UGDH: variants seen among roughly 807,000 people sequenced by gnomAD.
UGDH encodes UDP-Glc dehydrogenase.
In UGDH, 38 loss-of-function variants were observed where a neutral mutation model predicts 50.6. The observed-to-expected ratio is 0.75, with a 90% CI of 0.58 to 0.98. The LOEUF (loss-of-function observed/expected upper bound fraction) is 0.98. Ranked by LOEUF, UGDH falls within the 50% of genes least tolerant of loss-of-function variation. UGDH has a pLI of 0.00. For missense variants in UGDH, 465 were observed against 606.2 expected (o/e 0.77, Z 2.45); for synonymous variants, 168 against 199.9 (o/e 0.84, Z 1.35).
intron 3 of UGDH, 43 bp from the exon 4 acceptor site, chr4:39,510,904 T>C (rs776043983): frequency 1.9e-6 from 3 of 1,604,558 alleles, no homozygotes; most frequent in Non-Finnish European, 2.6e-6. Context: ...GCCTGTGAGA[T>C]AGGGATTTCA....
chr4:39,519,690 C>A (rs986285055), intron 2 of UGDH, among the ~76,000 whole-genome samples: 3 of 151,918 alleles, frequency 2.0e-5, no homozygotes, highest in African/African-American at 7.3e-5. Flanking sequence ...AGGTGCGCAC[C>A]ACTGCACCCG....
chr4:39,504,398 ATCTTT>A lies in UGDH; in HGVS notation c.1263+14_1263+18del. 1 of 1,610,218 alleles carries A rather than the reference ATCTTT, an allele frequency of 6.2e-7. No individual in the cohort carries two copies. On this transcript the variant is annotated intron_variant, in intron 10 of 11. Transcript: ENST00000316423. Reference sequence around the variant, plus strand: ...GAACACCTCTAGAATTTTCCTTAGTATCTTTTCTGTTACCTTACCTTAAACATGTC... The same window carrying A: ...GAACACCTCTAGAATTTTCCTTAGTATCTGTTACCTTACCTTAAACATGTC...
intron 11 of UGDH, among the ~76,000 whole-genome samples, chr4:39,502,956 A>T (rs1040607220): frequency 3.3e-5 from 5 of 151,936 alleles, no homozygotes; most frequent in Admixed American, 6.6e-5. Flanking sequence ...TTGCTCTGTC[A>T]CCCAGGCTGG....
intron 2 of UGDH, among the ~76,000 whole-genome samples, chr4:39,519,240 A>G (rs1386723878): frequency 4.1e-5 from 6 of 144,930 alleles, no homozygotes; most frequent in African/African-American, 1.0e-4. Context: ...TTTAATTTGG[A>G]GATGGGAGTC....
chr4:39,517,357 T>C (rs1746477749), intron 2 of UGDH, among the ~76,000 whole-genome samples: 1 of 151,922 alleles, frequency 6.6e-6, no homozygotes, highest in African/African-American at 2.4e-5. Context: ...CGCGAGCCAC[T>C]ACACCCATCT....
intron 3 of UGDH, among the ~76,000 whole-genome samples, chr4:39,512,724 C>G (rs1578272495): frequency 6.6e-6 from 1 of 151,802 alleles, no homozygotes; most frequent in East Asian, 1.9e-4. Flanking sequence ...TCCACTCTAA[C>G]TTTCTGCAAG....
intron 3 of UGDH, among the ~76,000 whole-genome samples, chr4:39,511,577 C>T (rs941648428): frequency 7.9e-5 from 12 of 151,662 alleles, no homozygotes; most frequent in African/African-American, 2.9e-4. Context: ...TTCTTATTCC[C>T]CTATTTTTAC....
intron 1 of UGDH, among the ~76,000 whole-genome samples, chr4:39,526,785 G>C (rs891880083): frequency 1.3e-5 from 2 of 152,132 alleles, no homozygotes; most frequent in African/African-American, 4.8e-5. Flanking sequence ...CAGATATCAC[G>C]GCAGTCTTAG....
rs191830661 is a variant in UGDH, at chr4:39,508,508, A to G, written c.906+58T>C. The G allele has an allele frequency of 1.3e-4, 201 of 1,520,962 alleles. 1 individual carries two copies. The East Asian group carries it at 4.1e-3, about 31-fold the overall frequency. 94.2% of individuals were successfully genotyped at this position (1,520,962 alleles called of 1,614,324 possible). ...CTTGGCTTCCTAAAGTGCTGCGATT[A>G]CAGGTGTGAACCACTATGCCTGGCT... On this transcript the variant is annotated intron_variant, in intron 7 of 11. Transcript: ENST00000316423.
At chr4:39,506,657 G>A (rs1746040928) in intron 7 of UGDH, among the ~76,000 whole-genome samples, 1 of 152,166 alleles carries the variant, frequency 6.6e-6, no homozygotes, top group South Asian at 2.1e-4. Flanking sequence ...AATTTAGGTT[G>A]GTAACCGGGT....
chr4:39,518,619 T>TAA (rs71645106), intron 2 of UGDH, among the ~76,000 whole-genome samples: 2 of 136,890 alleles, frequency 1.5e-5, no homozygotes, highest in East Asian at 2.1e-4. Context: ...GGTTGGCCTT[T>TAA]AAAAAAAAAA....
intron 1 of UGDH, 170 bp from the exon 2 acceptor site, chr4:39,521,689 C>A: frequency 3.8e-6 from 2 of 524,656 alleles, no homozygotes; most frequent in Non-Finnish European, 6.1e-6. Flanking sequence ...AAATAACATT[C>A]CAATTGGATG....
rs560580658 is a variant in UGDH at position 39,503,643 on chromosome 4, GT to G, written c.1374+231del. On this transcript the variant is annotated intron_variant, in intron 11 of 11. Coordinates refer to ENST00000316423, the MANE Select transcript of UGDH (RefSeq NM_003359.4). ...GAAAATTCTAAAACCCACACAATGGGTTTAAAAAGCAAATGAGCACTTTCCT... is the reference window on the plus strand; with the variant it reads ...GAAAATTCTAAAACCCACACAATGGGTTAAAAAGCAAATGAGCACTTTCCT... 3.5e-3 allele frequency among the ~76,000 whole-genome samples: 540 copies of G among 152,276 alleles called. 1 individual carries two copies. Among genetic ancestry groups the G allele is most frequent in the African/African-American group, 0.012 (483 of 41,556 alleles).
At chr4:39,513,988 A>C in intron 3 of UGDH, 95 bp downstream of exon 3, 1 of 1,052,444 alleles carries the variant, frequency 9.5e-7, no homozygotes, top group Non-Finnish European at 1.4e-6. Flanking sequence ...AGCAATGTTG[A>C]GGCTTAATAC....
intron 2 of UGDH, among the ~76,000 whole-genome samples, chr4:39,517,165 A>G (rs1201910208): frequency 6.6e-6 from 1 of 151,958 alleles, no homozygotes; most frequent in African/African-American, 2.4e-5. Flanking sequence ...AAAAAAGCAA[A>G]GCAAATTATC....
Position 39,509,756 on chromosome 4 carries a change from T to A in UGDH, c.811+4A>T. On this transcript the variant is annotated splice_donor_region_variant and intron_variant, in intron 6 of 11. Transcript: ENST00000316423. Reference sequence around the variant, plus strand: ...CTTTCTACTAGAGAAAAATTTGAATTTACCAACACTGGCTTTTAGAAACTT... The same window carrying A: ...CTTTCTACTAGAGAAAAATTTGAATATACCAACACTGGCTTTTAGAAACTT... 1 of 1,595,880 alleles carries A rather than the reference T, an allele frequency of 6.3e-7. No homozygotes were observed. The highest frequency in any genetic ancestry group is 8.5e-7 in the Non-Finnish European group (1 of 1,175,604).
At chr4:39,516,213 G>T (rs140582718) in intron 2 of UGDH, among the ~76,000 whole-genome samples, 1 of 152,174 alleles carries the variant, frequency 6.6e-6, no homozygotes, top group African/African-American at 2.4e-5. Flanking sequence ...GAGCCCAGGA[G>T]GCGGAGGTTG....
intron 9 of UGDH, 88 bp downstream of exon 9, chr4:39,505,149 A>G (rs1578264392): frequency 1.5e-6 from 2 of 1,330,388 alleles, no homozygotes; most frequent in East Asian, 2.6e-5. Flanking sequence ...AATGATATAC[A>G]TGATAAAACT....
At chr4:39,520,652 T>C (rs1746613601) in intron 2 of UGDH, among the ~76,000 whole-genome samples, 1 of 151,846 alleles carries the variant, frequency 6.6e-6, no homozygotes, top group African/African-American at 2.4e-5. Context: ...GTGATGTTAG[T>C]AAAATAATCC....
Sources: allele counts gnomAD v4.1 joint callset (sites outside exome capture counted in the v4.1 genomes callset), GRCh38; gene constraint gnomAD v4.1.1; transcripts MANE v1.5; gene names NCBI Gene and HGNC (gene_info 2026-07-23, HGNC 2026-07-21).